The following TENM4 variants were observed in gnomAD, a reference collection of about 807,000 sequenced individuals.
TENM4 encodes the protein teneurin-4.
A neutral mutation model predicts 243.3 loss-of-function variants in TENM4; 82 were observed. The ratio of observed to expected loss-of-function variants is 0.34; its 90% CI spans 0.28 to 0.40. The LOEUF (loss-of-function observed/expected upper bound fraction) is 0.40. Among genes scored for constraint, TENM4 ranks in the 10% least tolerant of loss-of-function variants. The probability of loss-of-function intolerance (pLI) is 1.00; values close to 1 mark genes in which losing one functional copy is unlikely to be tolerated. For synonymous variants in TENM4, 1,412 were observed against 1,456.3 expected, an observed-to-expected ratio of 0.97 and a Z score of 0.69; for missense variants, 3,138 against 3,673.3, an observed-to-expected ratio of 0.85 and a Z score of 3.77.
At chr11:79,100,499 G>C (rs764641278) in intron 4 of TENM4, among the ~76,000 whole-genome samples, 3 of 152,136 alleles carry the variant, frequency 2.0e-5, no homozygotes, top group Admixed American at 2.0e-4. Context: ...GACAAAGGGA[G>C]GATCATAGCT....
At chr11:79,057,748 G>A (rs2136959629) in intron 6 of TENM4, among the ~76,000 whole-genome samples, 1 of 152,302 alleles carries the variant, frequency 6.6e-6, no homozygotes, top group South Asian at 2.1e-4. Flanking sequence ...TGGAATGACA[G>A]ACAATCCAGC....
At chr11:79,126,743 C>T (rs1861886321) in intron 4 of TENM4, among the ~76,000 whole-genome samples, 2 of 152,182 alleles carry the variant, frequency 1.3e-5, no homozygotes, top group Non-Finnish European at 2.9e-5. Context: ...TTTACAGACC[C>T]TGACCCCTTG....
rs1158830938 is a variant in TENM4, at chr11:79,057,708, G to A, written c.493+7030C>T. Among the ~76,000 whole-genome samples the A allele has an allele frequency of 3.9e-5, 6 of 152,270 alleles. No homozygotes were observed. In the East Asian group the frequency reaches 1.2e-3, roughly 29 times the overall value. On this transcript the variant is annotated intron_variant, in intron 6 of 33. Coordinates refer to ENST00000278550, the MANE Select transcript of TENM4 (RefSeq NM_001098816.3). The stretch of plus-strand genomic sequence containing the variant: ...AACCCCAGTATTTAAAACAGTGCCT[G>A]GTACATAGTAGGTGCTCAACAAATA...
intron 3 of TENM4, among the ~76,000 whole-genome samples, chr11:79,189,354 C>T (rs1863435918): frequency 1.3e-5 from 2 of 152,196 alleles, no homozygotes; most frequent in Non-Finnish European, 2.9e-5. Flanking sequence ...ACCACAGTCT[C>T]CTGCTCCTCC....
chr11:79,007,251 G>A (rs1390290545), intron 6 of TENM4, among the ~76,000 whole-genome samples: 1 of 152,194 alleles, frequency 6.6e-6, no homozygotes, highest in Non-Finnish European at 1.5e-5. Context: ...CTGGAGTATG[G>A]AAATATTCTG....
rs144878863 is a variant in TENM4 at position 78,712,402 on chromosome 11, A to G, written c.4054+80T>C. Reference sequence around the variant, plus strand: ...TTGGTATTTTCCAAAAATTTTTGCAATATTAATCATGCATGTTTTTCTGAA... The same window carrying G: ...TTGGTATTTTCCAAAAATTTTTGCAGTATTAATCATGCATGTTTTTCTGAA... On this transcript the variant is annotated intron_variant, in intron 26 of 33. Coordinates refer to ENST00000278550, the MANE Select transcript of TENM4 (RefSeq NM_001098816.3). The G allele has an allele frequency of 8.3e-6, 12 of 1,442,854 alleles. No homozygotes were observed. The East Asian group carries it at 1.2e-4, about 14-fold the overall frequency. 89.4% of individuals were successfully genotyped at this position (1,442,854 alleles called of 1,614,324 possible).
chr11:79,124,641 ATATATG>A (rs1329049484), intron 4 of TENM4, among the ~76,000 whole-genome samples: 2 of 122,664 alleles, frequency 1.6e-5, no homozygotes, highest in African/African-American at 6.1e-5. Context: ...ACGTATATAT[ATATATG>A]TGTGTGTGTG....
intron 19 of TENM4, among the ~76,000 whole-genome samples, chr11:78,742,434 C>T (rs1460735767): frequency 6.6e-6 from 1 of 152,156 alleles, no homozygotes; most frequent in Non-Finnish European, 1.5e-5. Context: ...ATGAGCCAGG[C>T]TCTGTGTTAG....
intron 4 of TENM4, among the ~76,000 whole-genome samples, chr11:79,135,978 C>CT (rs1565218175): frequency 6.6e-6 from 1 of 151,722 alleles, no homozygotes; most frequent in African/African-American, 2.4e-5. Flanking sequence ...TATGAGGGAG[C>CT]TAAGCTATGA....
At chr11:79,260,921 T>C (rs976880101) in intron 2 of TENM4, among the ~76,000 whole-genome samples, 1 of 152,224 alleles carries the variant, frequency 6.6e-6, no homozygotes, top group Non-Finnish European at 1.5e-5. Context: ...AACTGGGCTA[T>C]GAAAACGATG....
chr11:79,245,743 C>G (rs1220639344), intron 2 of TENM4, among the ~76,000 whole-genome samples: 1 of 152,016 alleles, frequency 6.6e-6, no homozygotes. Flanking sequence ...AGTTCGAGAC[C>G]AGCCTGGCCA....
chr11:79,241,659 C>T (rs1234961322), intron 2 of TENM4, among the ~76,000 whole-genome samples: 3 of 152,168 alleles, frequency 2.0e-5, no homozygotes, highest in Non-Finnish European at 2.9e-5. Flanking sequence ...CCTGTCACTA[C>T]ACGCAGCATG....
At chr11:78,892,760 G>A (rs920514531) in intron 7 of TENM4, among the ~76,000 whole-genome samples, 5 of 152,218 alleles carry the variant, frequency 3.3e-5, no homozygotes, top group African/African-American at 7.2e-5. Flanking sequence ...AGTCAGTACC[G>A]TCATCTCTAT....
chr11:78,672,916 G>C (rs564071465), intron 30 of TENM4, among the ~76,000 whole-genome samples: 3 of 151,928 alleles, frequency 2.0e-5, no homozygotes, highest in Non-Finnish European at 4.4e-5. Context: ...AGCCCCTGTC[G>C]GGTGTCTCCT....
chr11:79,179,068 C>T (rs756435160), intron 3 of TENM4, among the ~76,000 whole-genome samples: 8 of 152,158 alleles, frequency 5.3e-5, no homozygotes, highest in Non-Finnish European at 1.2e-4. Context: ...CTTTAATTGC[C>T]TATGCATGGA....
chr11:78,841,371 C>G (rs1486067667), intron 12 of TENM4, among the ~76,000 whole-genome samples: 1 of 152,206 alleles, frequency 6.6e-6, no homozygotes, highest in Non-Finnish European at 1.5e-5. Flanking sequence ...TTGAGACTGC[C>G]TTCACACAGA....
At chr11:79,055,180 T>C (rs1859911565) in intron 6 of TENM4, among the ~76,000 whole-genome samples, 2 of 151,934 alleles carry the variant, frequency 1.3e-5, no homozygotes, top group Admixed American at 6.6e-5. Flanking sequence ...ATAATACTTA[T>C]CTTCTATGTG....
At chr11:79,126,438 C>T (rs1178953878) in intron 4 of TENM4, among the ~76,000 whole-genome samples, 1 of 152,194 alleles carries the variant, frequency 6.6e-6, no homozygotes, top group African/African-American at 2.4e-5. Flanking sequence ...ATAATTGGAT[C>T]CCAAGGTGGC....
intron 1 of TENM4, among the ~76,000 whole-genome samples, chr11:79,370,777 G>A (rs1196191391): frequency 5.7e-5 from 2 of 35,364 alleles, no homozygotes; most frequent in African/African-American, 1.6e-4. Context: ...CAACTCCTAT[G>A]GTAAAAAAAA....
Sources: allele counts gnomAD v4.1 joint callset (sites outside exome capture counted in the v4.1 genomes callset), GRCh38; gene constraint gnomAD v4.1.1; transcripts MANE v1.5; gene names NCBI Gene and HGNC (gene_info 2026-07-23, HGNC 2026-07-21).